ARHGAP24: variants seen among roughly 807,000 people sequenced by gnomAD.
The protein encoded by ARHGAP24 is Rho GTPase activating protein 24, also known as rho GTPase-activating protein 24.
In ARHGAP24, 50 loss-of-function variants were observed where a neutral mutation model predicts 76.4. The observed-to-expected ratio is 0.65, with a 90% CI of 0.52 to 0.83. ARHGAP24 has a LOEUF of 0.83. ARHGAP24 is among the 40% of genes least tolerant of loss of function. The pLI is 0.00. For synonymous variants in ARHGAP24, 345 were observed against 323.3 expected (o/e 1.07, Z -0.72); for missense variants, 930 against 914.2 (o/e 1.02, Z -0.22).
intron 3 of ARHGAP24, among the ~76,000 whole-genome samples, chr4:85,872,267 A>G (rs1029507717): frequency 1.3e-5 from 2 of 151,996 alleles, no homozygotes; most frequent in Non-Finnish European, 2.9e-5. Context: ...GCGTTGATAT[A>G]GAAATAGAAA....
At chr4:85,976,062 G>T (rs767398598) in intron 7 of ARHGAP24, among the ~76,000 whole-genome samples, 17 of 152,190 alleles carry the variant, frequency 1.1e-4, no homozygotes, top group Non-Finnish European at 2.2e-4. Flanking sequence ...AGTTATTCTA[G>T]TGGGTGAGAC....
At chr4:85,554,902 A>G (rs1726296850) in intron 1 of ARHGAP24, among the ~76,000 whole-genome samples, 1 of 150,794 alleles carries the variant, frequency 6.6e-6, no homozygotes, top group Non-Finnish European at 1.5e-5. Flanking sequence ...GGATGTTCTC[A>G]ATCTCCTGAC....
rs1441636959 is a variant in ARHGAP24 at position 86,000,621 on chromosome 4, GACATGCT to G, written c.2150_2156del (p.Met717ArgfsTer14). 1.2e-6 allele frequency: 2 copies of G among 1,613,904 alleles called. No homozygotes were observed. Among genetic ancestry groups the G allele is most frequent in the African/African-American group, 2.7e-5 (2 of 74,900 alleles). On this transcript the variant is annotated frameshift_variant, in exon 10 of 10. Transcript: ENST00000395184. LOFTEE classifies it high-confidence loss of function. ...AAAAGAAGATGCCGAGAAAAGAAAT[GACATGCT>G]ACAGAAAGAAATGGAGCAGTTTTTT...
In ARHGAP24 at chr4:85,921,547, A is replaced by T. The variant is rs201335484; in HGVS notation, c.269-2101A>T. Reference sequence around the variant, plus strand: ...CTGAACTTAAAATAAAAGTTTTTTTAAAAAAAAAGATCACTGAGTTTCCAG... The same window carrying T: ...CTGAACTTAAAATAAAAGTTTTTTTTAAAAAAAAGATCACTGAGTTTCCAG... On this transcript the variant is annotated intron_variant, in intron 3 of 9. Coordinates refer to ENST00000395184, the MANE Select transcript of ARHGAP24 (RefSeq NM_001025616.3). Among the ~76,000 whole-genome samples the T allele has an allele frequency of 1.0e-3, 64 of 61,008 alleles. 1 individual carries two copies. Among genetic ancestry groups the T allele is most frequent in the African/African-American group, 2.9e-3 (45 of 15,404 alleles). 40.0% of individuals were successfully genotyped at this position (61,008 alleles called of 152,430 possible). A position where few individuals can be genotyped will look rare whatever the true frequency, so the allele number is the denominator to read the frequency against.
At chr4:85,791,010 T>C (rs945599740) in intron 3 of ARHGAP24, among the ~76,000 whole-genome samples, 2 of 152,198 alleles carry the variant, frequency 1.3e-5, no homozygotes, top group African/African-American at 4.8e-5. Context: ...TCAGTAAACA[T>C]TTATTGTCAC....
At chr4:85,874,134 A>G (rs902127633) in intron 3 of ARHGAP24, among the ~76,000 whole-genome samples, 2 of 152,284 alleles carry the variant, frequency 1.3e-5, no homozygotes, top group Middle Eastern at 3.4e-3. Context: ...AAACAGAACA[A>G]AAACAACGAT....
In ARHGAP24 at chr4:85,795,376, T is replaced by C. The variant is rs75101597; in HGVS notation, c.268+73404T>C. ...GGTGTATTGGTTGTAGATTCCAGCA[T>C]AATAGAGTTGACACCCTGCTTGTTT... On this transcript the variant is annotated intron_variant, in intron 3 of 9. Transcript: ENST00000395184. 5.4e-3 allele frequency among the ~76,000 whole-genome samples: 817 copies of C among 152,364 alleles called. 15 individuals carry two copies. Among genetic ancestry groups the C allele is most frequent in the African/African-American group, 0.019 (778 of 41,590 alleles).
chr4:85,505,022 GT>G (rs1723988243), intron 1 of ARHGAP24, among the ~76,000 whole-genome samples: 1 of 152,070 alleles, frequency 6.6e-6, no homozygotes, highest in African/African-American at 2.4e-5. Flanking sequence ...GAAAAATTCT[GT>G]TCTTTAAGAA....
chr4:85,560,448 G>T (rs1548106), intron 1 of ARHGAP24, among the ~76,000 whole-genome samples: 1 of 152,028 alleles, frequency 6.6e-6, no homozygotes, highest in African/African-American at 2.4e-5. Context: ...ATACGGAAAC[G>T]TTGAAGCTTA....
chr4:85,713,474 T>C (rs1450886933), intron 2 of ARHGAP24, among the ~76,000 whole-genome samples: 1 of 152,094 alleles, frequency 6.6e-6, no homozygotes, highest in Non-Finnish European at 1.5e-5. Context: ...AACAGTTTCA[T>C]TTTTTTCTAA....
chr4:85,825,112 C>A (rs13110349), intron 3 of ARHGAP24, among the ~76,000 whole-genome samples: 4,250 of 149,114 alleles, frequency 0.029, 96 homozygotes, highest in South Asian at 0.053. Context: ...CGAAACAAAA[C>A]AAAAAAAAAG....
At chr4:85,667,917 G>T (rs80105711) in intron 2 of ARHGAP24, among the ~76,000 whole-genome samples, 4,459 of 152,248 alleles carry the variant, frequency 0.029, 201 homozygotes, top group African/African-American at 0.1. Flanking sequence ...CTTAAATTGA[G>T]CGTAGGGTCT....
intron 1 of ARHGAP24, among the ~76,000 whole-genome samples, chr4:85,480,279 C>A (rs1421267581): frequency 6.6e-6 from 1 of 152,052 alleles, no homozygotes; most frequent in Admixed American, 6.6e-5. Flanking sequence ...GCCTAGACTG[C>A]TAGGAATTTT....
chr4:85,502,722 G>T (rs1159455894), intron 1 of ARHGAP24, among the ~76,000 whole-genome samples: 2 of 152,052 alleles, frequency 1.3e-5, no homozygotes, highest in African/African-American at 4.8e-5. Flanking sequence ...TCTTTCTCTT[G>T]CTTGATTGCC....
At chr4:85,673,960 T>A (rs956824451) in intron 2 of ARHGAP24, among the ~76,000 whole-genome samples, 1 of 151,848 alleles carries the variant, frequency 6.6e-6, no homozygotes, top group Non-Finnish European at 1.5e-5. Context: ...TTACAAGAAA[T>A]CTGCACTGGT....
chr4:85,487,795 T>C (rs1382504428), intron 1 of ARHGAP24, among the ~76,000 whole-genome samples: 8 of 111,444 alleles, frequency 7.2e-5, no homozygotes, highest in Non-Finnish European at 1.3e-4. Context: ...ATTATATAAA[T>C]ATATATTTAT....
At chr4:85,818,168 A>G (rs1560649484) in intron 3 of ARHGAP24, among the ~76,000 whole-genome samples, 1 of 152,194 alleles carries the variant, frequency 6.6e-6, no homozygotes, top group Non-Finnish European at 1.5e-5. Flanking sequence ...CAGAAGTAGA[A>G]TAATCTCTCT....
At chr4:85,977,713 A>G (rs1739424979) in intron 8 of ARHGAP24, 22 bp downstream of exon 8, 1 of 1,611,722 alleles carries the variant, frequency 6.2e-7, no homozygotes, top group Non-Finnish European at 8.5e-7. Flanking sequence ...ATTATCTTAT[A>G]CCCTTATCAA....
chr4:85,629,225 T>C (rs1387134668), intron 2 of ARHGAP24, among the ~76,000 whole-genome samples: 1 of 152,176 alleles, frequency 6.6e-6, no homozygotes, highest in Non-Finnish European at 1.5e-5. Context: ...TTCAACCACA[T>C]ACAAAAATCT....
Sources: gnomAD v4.1 joint callset for allele counts (sites outside exome capture counted in the v4.1 genomes callset) on GRCh38, gnomAD v4.1.1 for gene constraint, MANE v1.5 for transcripts, NCBI Gene and HGNC (gene_info 2026-07-23, HGNC 2026-07-21) for gene names.